The following HMCN1 variants were observed in gnomAD, a reference collection of about 807,000 sequenced individuals.
The protein encoded by HMCN1 is hemicentin-1.
A neutral mutation model predicts 625.9 loss-of-function variants in HMCN1; 321 were observed. That is an observed-to-expected ratio of 0.51 (90% CI 0.47 to 0.56). The LOEUF (loss-of-function observed/expected upper bound fraction) is 0.56, where lower values mean the gene tolerates loss of function less well. HMCN1 is among the 20% of genes least tolerant of loss of function. The probability of loss-of-function intolerance (pLI) is 0.00; values close to 1 mark genes in which losing one functional copy is unlikely to be tolerated. For missense variants in HMCN1, 6,588 were observed against 6,887.3 expected (o/e 0.96, Z 1.54); for synonymous variants, 2,425 against 2,417.6 (o/e 1.00, Z -0.09).
At chr1:185,794,649 GGCAGCTGATTA>G (rs1658247271) in intron 1 of HMCN1, among the ~76,000 whole-genome samples, 1 of 131,734 alleles carries the variant, frequency 7.6e-6, no homozygotes, top group Non-Finnish European at 1.5e-5. Flanking sequence ...TAGCTGTGCC[GGCAGCTGATTA>G]GGTGGTACCC....
chr1:185,747,701 G>A (rs1654514470), intron 1 of HMCN1, among the ~76,000 whole-genome samples: 1 of 152,158 alleles, frequency 6.6e-6, no homozygotes, highest in East Asian at 1.9e-4. Flanking sequence ...TTGAGATGGG[G>A]AAAATTACAT....
intron 6 of HMCN1, among the ~76,000 whole-genome samples, chr1:185,922,152 A>G (rs1667034373): frequency 6.6e-6 from 1 of 152,118 alleles, no homozygotes; most frequent in South Asian, 2.1e-4. Context: ...ATTAGGCATG[A>G]AACATATTAC....
chr1:185,948,971 G>T (rs939945156), intron 11 of HMCN1, among the ~76,000 whole-genome samples: 1 of 151,820 alleles, frequency 6.6e-6, no homozygotes, highest in Non-Finnish European at 1.5e-5. Context: ...AGAATGATTG[G>T]TGATGGCCTG....
At chr1:186,053,759 C>T (rs1473271051) in intron 43 of HMCN1, 66 bp from the exon 44 acceptor site, 2 of 1,508,426 alleles carry the variant, frequency 1.3e-6, no homozygotes, top group African/African-American at 2.8e-5. Flanking sequence ...AAATGTCATA[C>T]TTGGCAATGT....
intron 104 of HMCN1, among the ~76,000 whole-genome samples, chr1:186,179,585 G>C (rs538337632): frequency 6.6e-6 from 1 of 152,118 alleles, no homozygotes; most frequent in African/African-American, 2.4e-5. Flanking sequence ...AATAAGCAAA[G>C]AAAGAACATA....
intron 1 of HMCN1, among the ~76,000 whole-genome samples, chr1:185,748,982 G>T (rs527780159): frequency 3.3e-5 from 5 of 152,266 alleles, no homozygotes; most frequent in Non-Finnish European, 7.4e-5. Flanking sequence ...AACCAGTTTT[G>T]TGTACTGATA....
rs148867355 is a variant in HMCN1 at position 186,046,874 on chromosome 1, A to C, written c.6480+1011A>C. Among the ~76,000 whole-genome samples, 430 of 152,280 alleles carry C rather than the reference A, an allele frequency of 2.8e-3. 3 individuals carry two copies. Among genetic ancestry groups the C allele is most frequent in the African/African-American group, 9.8e-3 (406 of 41,580 alleles). On this transcript the variant is annotated intron_variant, in intron 41 of 106. Coordinates refer to ENST00000271588, the MANE Select transcript of HMCN1 (RefSeq NM_031935.3). ...GACAGAAGACCACCGAATGTTTATA[A>C]CACTCTCATAATAACCCAACAGAGA...
At chr1:186,016,885 AT>A in intron 32 of HMCN1, 77 bp from the exon 33 acceptor site, 12 of 811,188 alleles carry the variant, frequency 1.5e-5, no homozygotes, top group Non-Finnish European at 2.4e-5. Context: ...CTGAACTGCT[AT>A]GTATTATTGC....
At chr1:185,930,280 G>A (rs1244248860) in intron 10 of HMCN1, among the ~76,000 whole-genome samples, 2 of 152,180 alleles carry the variant, frequency 1.3e-5, no homozygotes, top group Non-Finnish European at 2.9e-5. Flanking sequence ...TATAACAGCA[G>A]AAGTCACAAG....
Position 186,092,645 on chromosome 1 carries a change from G to A in HMCN1, c.9888-489G>A, listed in dbSNP as rs548875758. ...TAATTCAAAAGAAAAGCTTTATTTA[G>A]CAATTTGTAGAAAAAAAGTTTGCAA... On this transcript the variant is annotated intron_variant, in intron 64 of 106. Transcript: ENST00000271588. Among the ~76,000 whole-genome samples, 4 of 98,784 alleles carry A rather than the reference G, an allele frequency of 4.0e-5. No individual in the cohort carries two copies. The South Asian group carries it at 1.2e-3, about 31-fold the overall frequency. The allele number at this position is 98,784 out of a possible 152,430, so 64.8% of individuals were successfully genotyped here.
chr1:186,145,733 C>T lies in HMCN1; in HGVS notation c.14438-20C>T. The T allele has an allele frequency of 3.7e-6, 6 of 1,614,022 alleles. No individual in the cohort carries two copies. The highest frequency in any genetic ancestry group is 1.7e-5 in the Admixed American group (1 of 60,018). ...TTGAAGCCAATTTCTTAACAGTGACCATTCCATTCTTGTTCACAGTGGATG... is the reference window on the plus strand; with the variant it reads ...TTGAAGCCAATTTCTTAACAGTGACTATTCCATTCTTGTTCACAGTGGATG... On this transcript the variant is annotated intron_variant, in intron 92 of 106. Transcript: ENST00000271588.
intron 17 of HMCN1, among the ~76,000 whole-genome samples, chr1:185,981,718 T>G (rs2102001400): frequency 6.6e-6 from 1 of 152,266 alleles, no homozygotes; most frequent in Non-Finnish European, 1.5e-5. Flanking sequence ...GTAAAATCTC[T>G]TAGGGATTTT....
chr1:185,824,869 T>G (rs1368827844), intron 1 of HMCN1, among the ~76,000 whole-genome samples: 14 of 152,206 alleles, frequency 9.2e-5, no homozygotes, highest in Admixed American at 9.2e-4. Context: ...TTTATTTTGT[T>G]AAAACACTAA....
intron 46 of HMCN1, among the ~76,000 whole-genome samples, chr1:186,061,401 C>T (rs1372105299): frequency 6.6e-6 from 1 of 152,262 alleles, no homozygotes; most frequent in East Asian, 1.9e-4. Flanking sequence ...TGTGGGAAAC[C>T]ATTCCCATGA....
At position 186,123,018 on chromosome 1, in the gene HMCN1, C is replaced by G; in HGVS notation, c.12297C>G (p.Ser4099=). The part of the protein sequence containing the change: ...VIAVDKPITL[S]CEADGLPPPD... ...CTGTGGACAAGCCCATCACGTTATC[C>G]TGTGAAGCAGATGGCCTCCCTCCGC... Residue 4099 remains serine (S), a synonymous_variant, in exon 81 of 107, where the codon TCC becomes TCG. Transcript: ENST00000271588. The G allele has an allele frequency of 3.1e-6, 5 of 1,614,126 alleles. No homozygotes were observed. The highest frequency in any genetic ancestry group is 4.2e-6 in the Non-Finnish European group (5 of 1,180,004).
chr1:186,014,429 A>G (rs1654218217), intron 30 of HMCN1, among the ~76,000 whole-genome samples: 1 of 151,972 alleles, frequency 6.6e-6, no homozygotes, highest in Admixed American at 6.6e-5. Context: ...TTATATTGAT[A>G]CTCAAATTCA....
chr1:185,922,674 T>C (rs1667061704), intron 7 of HMCN1, among the ~76,000 whole-genome samples, 175 bp downstream of exon 7: 1 of 152,312 alleles, frequency 6.6e-6, no homozygotes, highest in East Asian at 1.9e-4. Context: ...CCAAGACCAC[T>C]GATATAAAAA....
intron 1 of HMCN1, among the ~76,000 whole-genome samples, chr1:185,738,180 A>G (rs1272844212): frequency 6.6e-6 from 1 of 152,234 alleles, no homozygotes; most frequent in African/African-American, 2.4e-5. Context: ...CAATTCATCC[A>G]CTTAAAGTGT....
chr1:185,949,672 T>C (rs1668539467), intron 11 of HMCN1, among the ~76,000 whole-genome samples: 1 of 151,904 alleles, frequency 6.6e-6, no homozygotes, highest in Non-Finnish European at 1.5e-5. Flanking sequence ...GAATTATGTC[T>C]GACAGAAGGG....
Sources: allele counts gnomAD v4.1 joint callset (sites outside exome capture counted in the v4.1 genomes callset), GRCh38; gene constraint gnomAD v4.1.1; transcripts MANE v1.5; gene names NCBI Gene and HGNC (gene_info 2026-07-23, HGNC 2026-07-21).